ABI3BP: variants seen among roughly 807,000 people sequenced by gnomAD.
ABI3BP encodes the protein ABI family member 3 binding protein, also known as target of Nesh-SH3.
In ABI3BP, 216 loss-of-function variants were observed where a neutral mutation model predicts 268.6. The ratio of observed to expected loss-of-function variants is 0.80; its 90% CI spans 0.72 to 0.90. ABI3BP has a LOEUF of 0.90. Ranked by LOEUF, ABI3BP falls within the 40% of genes least tolerant of loss-of-function variation. The pLI is 0.00. For synonymous variants in ABI3BP, 730 were observed against 730.0 expected (o/e 1.00, Z 0.00); for missense variants, 2,090 against 2,182.4 (o/e 0.96, Z 0.84).
Position 100,965,506 on chromosome 3 carries a change from C to CA in ABI3BP, c.79+27799dup, listed in dbSNP as rs10576624. On this transcript the variant is annotated intron_variant, in intron 1 of 67. Transcript: ENST00000471714. ...TGGAAAGCCTTTATTCTGAATAAAA[C>CA]AAAAAAAAAAAAACAGAGGAAGTAT... Among the ~76,000 whole-genome samples the CA allele has an allele frequency of 6.8e-5, 10 of 146,716 alleles. 1 individual carries two copies. In the East Asian group the frequency reaches 1.4e-3, roughly 21 times the overall value.
At chr3:100,975,409 G>A (rs557485775) in intron 1 of ABI3BP, among the ~76,000 whole-genome samples, 2 of 152,238 alleles carry the variant, frequency 1.3e-5, no homozygotes, top group Admixed American at 1.3e-4. Flanking sequence ...TGCCTTGGGG[G>A]AGATGGGCTG....
chr3:100,775,516 A>T (rs1289814741), intron 59 of ABI3BP, among the ~76,000 whole-genome samples, 181 bp from the exon 60 acceptor site: 1 of 152,194 alleles, frequency 6.6e-6, no homozygotes, highest in East Asian at 1.9e-4. Flanking sequence ...CAAGTATATC[A>T]GAGCATTATT....
chr3:100,979,593 C>T (rs1292014086), intron 1 of ABI3BP, among the ~76,000 whole-genome samples: 1 of 152,180 alleles, frequency 6.6e-6, no homozygotes, highest in Non-Finnish European at 1.5e-5. Context: ...CAACCTCCAA[C>T]CATGAAAAGG....
At chr3:100,770,668 C>T (rs765208521) in intron 62 of ABI3BP, 75 bp downstream of exon 62, 6 of 1,346,956 alleles carry the variant, frequency 4.5e-6, no homozygotes, top group Non-Finnish European at 4.9e-6. Context: ...TCAACGTTGA[C>T]CCAGGGTACC....
intron 1 of ABI3BP, among the ~76,000 whole-genome samples, chr3:100,987,666 A>T (rs987847237): frequency 2.0e-5 from 3 of 152,224 alleles, no homozygotes; most frequent in Admixed American, 1.3e-4. Flanking sequence ...AGGATTATTA[A>T]CAGTCAATTA....
At chr3:100,867,325 G>A (rs2099061435) in intron 9 of ABI3BP, among the ~76,000 whole-genome samples, 1 of 151,948 alleles carries the variant, frequency 6.6e-6, no homozygotes, top group Non-Finnish European at 1.5e-5. Context: ...TTCAAGTACT[G>A]CCAATTTTAA....
intron 40 of ABI3BP, among the ~76,000 whole-genome samples, chr3:100,819,475 G>A (rs2098141891): frequency 6.6e-6 from 1 of 152,040 alleles, no homozygotes; most frequent in Non-Finnish European, 1.5e-5. Flanking sequence ...GACAGGTTTT[G>A]ATCTTGACTA....
chr3:100,770,887 G>A lies in ABI3BP; in HGVS notation c.4597C>T (p.Arg1533Trp), dbSNP rs760464738. The change falls in exon 62 of 68, where the codon CGG becomes TGG. Residue 1533 changes from arginine (R) to tryptophan (W), a missense_variant. By Grantham distance (101) the Arg-to-Trp change is moderately radical. Coordinates refer to ENST00000471714, the MANE Select transcript of ABI3BP (RefSeq NM_001375547.2). Reference sequence around the variant, plus strand: ...TCTGTGGCCTCCTCTTTGGGGAACCGTTTGACAGAGTCAGTAATGGAGCAG... The same window carrying A: ...TCTGTGGCCTCCTCTTTGGGGAACCATTTGACAGAGTCAGTAATGGAGCAG... ...SPCSITDSVK[R>W]FPKEEATEGN... The A allele has an allele frequency of 1.4e-5, 22 of 1,602,340 alleles. No individual in the cohort carries two copies. Among genetic ancestry groups the A allele is most frequent in the South Asian group, 1.0e-4 (9 of 88,110 alleles).
At chr3:100,962,444 C>T (rs113356265) in intron 1 of ABI3BP, among the ~76,000 whole-genome samples, 1 of 152,106 alleles carries the variant, frequency 6.6e-6, no homozygotes, top group African/African-American at 2.4e-5. Flanking sequence ...ACTCAAATCT[C>T]GCTTATCTTA....
rs79378797 is a variant in ABI3BP at position 100,819,536 on chromosome 3, C to T, written c.3031+684G>A. ...AAGCTTCCTCCTCCTGTGATAGCCTCACAGTTGTTGATGTGGCTGTGGGAA... is the reference window on the plus strand; with the variant it reads ...AAGCTTCCTCCTCCTGTGATAGCCTTACAGTTGTTGATGTGGCTGTGGGAA... On this transcript the variant is annotated intron_variant, in intron 40 of 67. Coordinates refer to ENST00000471714, the MANE Select transcript of ABI3BP (RefSeq NM_001375547.2). Among the ~76,000 whole-genome samples, 6 of 152,046 alleles carry T rather than the reference C, an allele frequency of 3.9e-5. No homozygotes were observed. In the South Asian group the frequency reaches 6.2e-4, roughly 16 times the overall value.
Position 100,834,756 on chromosome 3 carries a change from G to T in ABI3BP, c.2209C>A (p.Arg737=). The change falls in exon 29 of 68, where the codon CGA becomes AGA. Residue 737 remains arginine (R), a synonymous_variant. Transcript: ENST00000471714. Reference sequence around the variant, plus strand: ...GGACGTGGACGACGTGTTCTTGTTCGTTGCGATGTTTTTGGAGCTAAAGAA... The same window carrying T: ...GGACGTGGACGACGTGTTCTTGTTCTTTGCGATGTTTTTGGAGCTAAAGAA... The part of the protein sequence containing the change: ...VTTLAPKTSQ[R]TRTRRPRPKH... The T allele has an allele frequency of 4.6e-6, 7 of 1,535,614 alleles. No individual in the cohort carries two copies. The highest frequency in any genetic ancestry group is 6.1e-6 in the Non-Finnish European group (7 of 1,146,512).
In ABI3BP at chr3:100,820,298, T is replaced by C. The variant is rs965067647; in HGVS notation, c.2953A>G (p.Lys985Glu). 2 of 1,535,692 alleles carry C rather than the reference T, an allele frequency of 1.3e-6. No homozygotes were observed. The highest frequency in any genetic ancestry group is 1.7e-6 in the Non-Finnish European group (2 of 1,146,688). ...GGACGACGAGTTCGTTGTGATGTTT[T>C]AGGAGCTGAAGAAAGAAAACCTTTA... The part of the protein sequence containing the change: ...TETWVTTQAP[K>E]TSQRTRRPRP... Residue 985 changes from lysine to glutamate, a missense_variant, in exon 40 of 68, where the codon AAA (lysine) becomes GAA (glutamate). By Grantham distance (56) the Lys-to-Glu change is moderately conservative. Transcript: ENST00000471714.
chr3:100,887,447 A>G (rs1201055263), intron 4 of ABI3BP, among the ~76,000 whole-genome samples: 1 of 152,100 alleles, frequency 6.6e-6, no homozygotes, highest in African/African-American at 2.4e-5. Flanking sequence ...GAAAGGATAC[A>G]ACATTTCTGA....
At chr3:100,950,869 T>C (rs983922776) in intron 1 of ABI3BP, among the ~76,000 whole-genome samples, 1 of 151,856 alleles carries the variant, frequency 6.6e-6, no homozygotes, top group Admixed American at 6.6e-5. Context: ...TCATTCACAG[T>C]AATGGGACAA....
intron 57 of ABI3BP, 35 bp from the exon 58 acceptor site, chr3:100,780,244 T>C (rs1416239713): frequency 1.3e-6 from 2 of 1,594,046 alleles, no homozygotes; most frequent in East Asian, 2.3e-5. Context: ...AATAAACATA[T>C]AGCAAAAATG....
chr3:100,886,411 C>T (rs1325955359), intron 4 of ABI3BP, 88 bp from the exon 5 acceptor site: 2 of 1,021,888 alleles, frequency 2.0e-6, no homozygotes, highest in Non-Finnish European at 2.7e-6. Flanking sequence ...CAGATTTCAA[C>T]CAACTTGGGA....
intron 1 of ABI3BP, among the ~76,000 whole-genome samples, chr3:100,942,369 G>A (rs1040502366): frequency 1.3e-5 from 2 of 152,230 alleles, no homozygotes; most frequent in African/African-American, 4.8e-5. Context: ...TTTATCCCAT[G>A]AGGATAGATA....
chr3:100,757,242 T>A (rs1460768349), intron 63 of ABI3BP, among the ~76,000 whole-genome samples: 1 of 152,128 alleles, frequency 6.6e-6, no homozygotes, highest in Non-Finnish European at 1.5e-5. Flanking sequence ...TCCTAGAAAC[T>A]TTGTAATAAA....
At chr3:100,974,499 A>C (rs895907292) in intron 1 of ABI3BP, among the ~76,000 whole-genome samples, 2 of 152,094 alleles carry the variant, frequency 1.3e-5, no homozygotes, top group African/African-American at 4.8e-5. Flanking sequence ...AAAAACGGAC[A>C]AAAAAAGTTA....
Sources: gnomAD v4.1 joint callset for allele counts (sites outside exome capture counted in the v4.1 genomes callset) on GRCh38, gnomAD v4.1.1 for gene constraint, MANE v1.5 for transcripts, NCBI Gene and HGNC (gene_info 2026-07-23, HGNC 2026-07-21) for gene names.